MTA3: variants seen among roughly 807,000 people sequenced by gnomAD.
The protein encoded by MTA3 is metastasis-associated protein MTA3.
Under a neutral mutation model 83.5 loss-of-function variants are expected in MTA3, and 34 were observed. The ratio of observed to expected loss-of-function variants is 0.41; its 90% CI spans 0.31 to 0.54. The LOEUF (loss-of-function observed/expected upper bound fraction) is 0.54, where lower values mean the gene tolerates loss of function less well. Ranked by LOEUF, MTA3 falls within the 20% of genes least tolerant of loss-of-function variation. The pLI is 0.33. For missense variants in MTA3, 761 were observed against 726.4 expected, an observed-to-expected ratio of 1.05 and a Z score of -0.55; for synonymous variants, 303 against 252.7, an observed-to-expected ratio of 1.20 and a Z score of -1.89.
chr2:42,692,283 T>C (rs1692968947), intron 9 of MTA3, among the ~76,000 whole-genome samples: 1 of 152,228 alleles, frequency 6.6e-6, no homozygotes. Context: ...AGCATGTTAA[T>C]TGCATTTTCA....
At position 42,609,554 on chromosome 2, in the gene MTA3, A is replaced by C; in HGVS notation, c.287A>C (p.Gln96Pro). The change falls in exon 4 of 17, where the codon CAG becomes CCG. Residue 96 changes from glutamine (Q) to proline (P), a missense_variant. Physicochemically the swap from Gln to Pro is moderately conservative, Grantham distance 76 (BLOSUM62 -1). Coordinates refer to ENST00000405094, the MANE Select transcript of MTA3 (RefSeq NM_001330442.2). ...LKHRELFLSRQYESLPATHIR... is the reference protein window; with the variant it reads ...LKHRELFLSRPYESLPATHIR... ...CATAGGGAACTCTTTTTGTCACGCC[A>C]GTATGAATCTCTGCCCGCAACACAT... 1 of 1,613,902 alleles carries C rather than the reference A, an allele frequency of 6.2e-7. No homozygotes were observed. The highest frequency in any genetic ancestry group is 8.5e-7 in the Non-Finnish European group (1 of 1,179,816).
intron 4 of MTA3, chr2:42,614,037 A>G (rs986039774): frequency 2.6e-5 from 4 of 152,216 alleles, no homozygotes; most frequent in Non-Finnish European, 4.4e-5. Flanking sequence ...TAGATATCAT[A>G]TGTATTTATT....
intron 2 of MTA3, among the ~76,000 whole-genome samples, chr2:42,530,244 C>T (rs1455015518): frequency 6.6e-6 from 1 of 151,300 alleles, no homozygotes; most frequent in Non-Finnish European, 1.5e-5. Flanking sequence ...AATCCCAGCA[C>T]TTTGGGAGGC....
intron 14 of MTA3, among the ~76,000 whole-genome samples, chr2:42,711,494 C>T (rs1046765876): frequency 6.6e-6 from 1 of 152,142 alleles, no homozygotes; most frequent in African/African-American, 2.4e-5. Flanking sequence ...TTTAGCTTCA[C>T]TGGTCATTGA....
At chr2:42,574,331 T>C (rs1412785972) in intron 2 of MTA3, among the ~76,000 whole-genome samples, 1 of 151,754 alleles carries the variant, frequency 6.6e-6, no homozygotes, top group East Asian at 1.9e-4. Context: ...TTCTCCATGT[T>C]GGTCAGGCTG....
intron 14 of MTA3, among the ~76,000 whole-genome samples, chr2:42,714,861 A>G (rs1158447559): frequency 5.9e-5 from 9 of 152,194 alleles, no homozygotes; most frequent in Non-Finnish European, 1.0e-4. Context: ...TGAGAATCTA[A>G]TGCTGCCACT....
intron 7 of MTA3, among the ~76,000 whole-genome samples, chr2:42,658,250 A>G (rs1181793290): frequency 6.6e-6 from 1 of 152,168 alleles, no homozygotes; most frequent in East Asian, 1.9e-4. Context: ...AAATTGGTAC[A>G]GCTCCTTTGG....
At chr2:42,550,313 A>C (rs1268042560) in intron 2 of MTA3, among the ~76,000 whole-genome samples, 1 of 152,226 alleles carries the variant, frequency 6.6e-6, no homozygotes, top group Non-Finnish European at 1.5e-5. Flanking sequence ...GGTGGAAGAC[A>C]TTAACAGAAA....
At chr2:42,513,479 T>TC (rs1674992019) in intron 2 of MTA3, among the ~76,000 whole-genome samples, 1 of 152,102 alleles carries the variant, frequency 6.6e-6, no homozygotes, top group African/African-American at 2.4e-5. Context: ...AGGGATAGAC[T>TC]CCAAGTGAAG....
chr2:42,702,595 C>T (rs1665685405), intron 11 of MTA3: 1 of 152,210 alleles, frequency 6.6e-6, no homozygotes, highest in Admixed American at 6.5e-5. Context: ...AGCCATTCAG[C>T]ATTCATTTCC....
At chr2:42,681,308 T>G (rs1012461595) in intron 8 of MTA3, among the ~76,000 whole-genome samples, 1 of 152,222 alleles carries the variant, frequency 6.6e-6, no homozygotes, top group Non-Finnish European at 1.5e-5. Context: ...TTTTGCTTTT[T>G]CTGTGCAGCA....
intron 16 of MTA3, among the ~76,000 whole-genome samples, chr2:42,730,945 G>T (rs1480094386): frequency 6.6e-6 from 1 of 152,092 alleles, no homozygotes; most frequent in African/African-American, 2.4e-5. Context: ...TAGGTTGTAT[G>T]TGTCTAGGAA....
intron 2 of MTA3, among the ~76,000 whole-genome samples, chr2:42,527,052 CAAAAAAAAAAAAA>C (rs34030475): frequency 2.2e-5 from 1 of 45,334 alleles, no homozygotes; most frequent in African/African-American, 8.9e-5. Flanking sequence ...GACTCTGTCT[CAAAAAAAAAAAAA>C]AAAAAAAAAA....
At chr2:42,750,330 C>G (rs1226257736) in intron 16 of MTA3, among the ~76,000 whole-genome samples, 1 of 151,900 alleles carries the variant, frequency 6.6e-6, no homozygotes, top group Non-Finnish European at 1.5e-5. Flanking sequence ...TTTCTTCTCT[C>G]TGTTTCTTCC....
At chr2:42,613,302 T>C (rs1378986998) in intron 4 of MTA3, among the ~76,000 whole-genome samples, 1 of 152,240 alleles carries the variant, frequency 6.6e-6, no homozygotes, top group Non-Finnish European at 1.5e-5. Context: ...TGAATTATGA[T>C]GAAGAGACAT....
intron 3 of MTA3, among the ~76,000 whole-genome samples, chr2:42,599,416 A>G (rs991977182): frequency 6.6e-6 from 1 of 151,930 alleles, no homozygotes; most frequent in Non-Finnish European, 1.5e-5. Flanking sequence ...AACACAGTGA[A>G]ACCCCGTCTC....
intron 16 of MTA3, chr2:42,723,404 T>C (rs1667572038): frequency 1.1e-5 from 2 of 179,334 alleles, no homozygotes; most frequent in Non-Finnish European, 2.4e-5. Flanking sequence ...CAGTGTTCTC[T>C]GGGGGTTCTT....
chr2:42,606,195 G>C (rs541528993), intron 3 of MTA3, among the ~76,000 whole-genome samples: 2 of 52,780 alleles, frequency 3.8e-5, no homozygotes, highest in African/African-American at 3.1e-4. Flanking sequence ...CGGGCGGGGG[G>C]CTGACCCCCC....
At chr2:42,668,468 C>T (rs1412659525) in intron 8 of MTA3, among the ~76,000 whole-genome samples, 29 of 152,110 alleles carry the variant, frequency 1.9e-4, no homozygotes, top group Admixed American at 1.8e-3. Context: ...CCGCTGAGTT[C>T]CCACATGACA....
Sources: allele counts gnomAD v4.1 joint callset (sites outside exome capture counted in the v4.1 genomes callset), GRCh38; gene constraint gnomAD v4.1.1; transcripts MANE v1.5; gene names NCBI Gene and HGNC (gene_info 2026-07-23, HGNC 2026-07-21).